Variants in DCLRE1A observed in about 807,000 individuals in gnomAD.
DCLRE1A encodes the protein DNA cross-link repair 1A.
A neutral mutation model predicts 91.9 loss-of-function variants in DCLRE1A; 64 were observed. The observed-to-expected ratio is 0.70, with a 90% CI of 0.57 to 0.86. The LOEUF (loss-of-function observed/expected upper bound fraction) is 0.86, where lower values mean the gene tolerates loss of function less well. Ranked by LOEUF, DCLRE1A falls within the 40% of genes least tolerant of loss-of-function variation. DCLRE1A has a pLI of 0.00. For missense variants in DCLRE1A, 1,145 were observed against 1,213.3 expected (o/e 0.94, Z 0.84); for synonymous variants, 416 against 431.1 (o/e 0.96, Z 0.43).
rs1458187408 is a variant in DCLRE1A at position 113,847,430 on chromosome 10, T to C, written c.2126-95A>G. ...ATGAACCCTCTATCCTCTTTACCTC[T>C]TATTTCCAATTTAACTATATTTAAA... On this transcript the variant is annotated intron_variant, in intron 2 of 8. Coordinates refer to ENST00000361384, the MANE Select transcript of DCLRE1A (RefSeq NM_014881.5). The C allele has an allele frequency of 8.3e-6, 11 of 1,326,450 alleles. No individual in the cohort carries two copies. The East Asian group carries it at 2.6e-4, about 32-fold the overall frequency. The allele number at this position is 1,326,450 out of a possible 1,614,324, so 82.2% of individuals were successfully genotyped here. A position where few individuals can be genotyped will look rare whatever the true frequency, so the allele number is the denominator to read the frequency against.
At chr10:113,837,801 T>C (rs949364286) in intron 7 of DCLRE1A, among the ~76,000 whole-genome samples, 4 of 152,156 alleles carry the variant, frequency 2.6e-5, no homozygotes, top group Non-Finnish European at 4.4e-5. Context: ...TTGAGTAGGA[T>C]AGAACTTCCC....
rs1564842236 is a variant in DCLRE1A, at chr10:113,841,489, T to C, written c.2737A>G (p.Ile913Val). ...EKYKTLQCLN[I>V]PEINSLITTD... ...GTGATGAGTGAATTAATTTCTGGTA[T>C]ATTGAGGCACTGTAGAGTTTTATAT... The change falls in exon 7 of 9, where the codon ATA (isoleucine) becomes GTA (valine). Residue 913 changes from isoleucine (I) to valine (V), a missense_variant. Ile to Val is a conservative substitution (Grantham distance 29). Coordinates refer to ENST00000361384, the MANE Select transcript of DCLRE1A (RefSeq NM_014881.5). 3 of 1,613,540 alleles carry C rather than the reference T, an allele frequency of 1.9e-6. No individual in the cohort carries two copies. The highest frequency in any genetic ancestry group is 2.5e-6 in the Non-Finnish European group (3 of 1,179,794).
chr10:113,843,200 A>T (rs1168650231), intron 5 of DCLRE1A, among the ~76,000 whole-genome samples: 1 of 152,130 alleles, frequency 6.6e-6, no homozygotes, highest in African/African-American at 2.4e-5. Flanking sequence ...AATGTAATAA[A>T]CTGCAAAAGC....
intron 5 of DCLRE1A, 47 bp from the exon 6 acceptor site, chr10:113,842,535 C>A: frequency 6.3e-7 from 1 of 1,581,324 alleles, no homozygotes; most frequent in Non-Finnish European, 8.6e-7. Context: ...ATAAAAAAGC[C>A]ATCACCTTAA....
chr10:113,844,380 C>A, intron 4 of DCLRE1A, 136 bp from the exon 5 acceptor site: 4 of 1,138,148 alleles, frequency 3.5e-6, no homozygotes, highest in Non-Finnish European at 3.6e-6. Flanking sequence ...GGAAATGCGG[C>A]ACTTCAACTC....
intron 4 of DCLRE1A, among the ~76,000 whole-genome samples, chr10:113,845,123 T>C (rs1418851134): frequency 6.6e-6 from 1 of 151,966 alleles, no homozygotes; most frequent in Non-Finnish European, 1.5e-5. Context: ...CTATGGAAAG[T>C]AGAAAGAAGC....
rs1462906607 is a variant in DCLRE1A, at chr10:113,850,548, GGAT to G, written c.554_556del (p.His185del). 4 of 1,614,110 alleles carry G rather than the reference GGAT, an allele frequency of 2.5e-6. No homozygotes were observed. In the South Asian group the frequency reaches 3.3e-5, roughly 13 times the overall value. ...TGACGCAGGTGATGGGCTGCTAAAA[GGAT>G]GATCACCAGCCCTGCTTTGAGCTAG... On this transcript the variant is annotated inframe_deletion, in exon 2 of 9. Coordinates refer to ENST00000361384, the MANE Select transcript of DCLRE1A (RefSeq NM_014881.5).
In DCLRE1A at chr10:113,850,587, G is replaced by A. The variant is rs1403686004; in HGVS notation, c.518C>T (p.Thr173Ile). ...CCTGCTTTGAGCTAGCAGGAAGTGA[G>A]TGTATCTCTTGTAATGAAAAGGAAT... ...STIPFHYKRY[T>I]HFLLAQSRAG... is the part of the protein sequence containing the mutation. Residue 173 changes from threonine (T) to isoleucine (I), a missense_variant, in exon 2 of 9, where the codon ACT becomes ATT. Thr to Ile is a moderately conservative substitution (Grantham distance 89). Coordinates refer to ENST00000361384, the MANE Select transcript of DCLRE1A (RefSeq NM_014881.5). The A allele has an allele frequency of 1.9e-6, 3 of 1,614,038 alleles. No homozygotes were observed. The highest frequency in any genetic ancestry group is 1.1e-5 in the South Asian group (1 of 91,064).
chr10:113,850,198 G>A lies in DCLRE1A; in HGVS notation c.907C>T (p.Leu303Phe). The A allele has an allele frequency of 6.2e-7, 1 of 1,614,164 alleles. No homozygotes were observed. The highest frequency in any genetic ancestry group is 8.5e-7 in the Non-Finnish European group (1 of 1,180,014). ...FSDCEISYSPLQSDEDTHDID... is the reference protein window; with the variant it reads ...FSDCEISYSPFQSDEDTHDID... ...TCATGAGTGTCTTCATCACTTTGAA[G>A]TGGAGAATAGGAGATTTCACAGTCA... The change falls in exon 2 of 9, where the codon CTT (leucine) becomes TTT (phenylalanine). Residue 303 changes from leucine to phenylalanine, a missense_variant. Physicochemically the swap from Leu to Phe is conservative, Grantham distance 22. Transcript: ENST00000361384.
chr10:113,852,861 G>A lies in DCLRE1A; in HGVS notation c.322C>T (p.Gln108Ter). The change falls in exon 1 of 9, where the codon CAA becomes TAA. Residue 108 changes from glutamine (Q) to a stop codon, truncating the protein, a stop_gained. Transcript: ENST00000361384. LOFTEE classifies it high-confidence loss of function. ...GGACGTATCTTTGGGGACACGTGTTGGCTTTTTTGAGTTCTACAGAGTTTT... is the reference window on the plus strand; with the variant it reads ...GGACGTATCTTTGGGGACACGTGTTAGCTTTTTTGAGTTCTACAGAGTTTT... ...PGKLCRTQKSQHVSPKIRPVY... is the reference protein window; with the variant it reads ...PGKLCRTQKS The A allele has an allele frequency of 3.7e-6, 6 of 1,614,110 alleles. No individual in the cohort carries two copies. Among genetic ancestry groups the A allele is most frequent in the Non-Finnish European group, 5.1e-6 (6 of 1,180,008 alleles).
At chr10:113,838,790 A>C (rs1384454974) in intron 7 of DCLRE1A, among the ~76,000 whole-genome samples, 2 of 152,236 alleles carry the variant, frequency 1.3e-5, no homozygotes, top group Non-Finnish European at 2.9e-5. Context: ...GGTTTAAATC[A>C]GGTGATAGTC....
intron 3 of DCLRE1A, among the ~76,000 whole-genome samples, chr10:113,846,490 T>C (rs1845539721): frequency 6.6e-6 from 1 of 152,086 alleles, no homozygotes; most frequent in Admixed American, 6.5e-5. Context: ...AGCACTCTCT[T>C]CTCCCTACTC....
At chr10:113,836,614 C>T (rs187858295) in intron 8 of DCLRE1A, among the ~76,000 whole-genome samples, 52 of 152,162 alleles carry the variant, frequency 3.4e-4, no homozygotes, top group African/African-American at 1.2e-3. Context: ...TGGTGACACC[C>T]CAAACATGTT....
At position 113,842,499 on chromosome 10, in the gene DCLRE1A, G is replaced by C; in HGVS notation, c.2520-11C>G. On this transcript the variant is annotated splice_polypyrimidine_tract_variant and intron_variant, in intron 5 of 8. Coordinates refer to ENST00000361384, the MANE Select transcript of DCLRE1A (RefSeq NM_014881.5). ...TCTGGGCTACAATATCTGTGGTATG[G>C]AAACATGGTACTTACTAAAAGAACA... 4 of 1,609,998 alleles carry C rather than the reference G, an allele frequency of 2.5e-6. No individual in the cohort carries two copies. The highest frequency in any genetic ancestry group is 3.4e-6 in the Non-Finnish European group (4 of 1,177,510).
chr10:113,845,812 C>T lies in DCLRE1A; in HGVS notation c.2260-9G>A. ...AACAAATTGCCAGTTATCTGCAAAA[C>T]AGGACGTGCTTATTGCTGATGCAGT... On this transcript the variant is annotated splice_polypyrimidine_tract_variant and intron_variant, in intron 3 of 8. Coordinates refer to ENST00000361384, the MANE Select transcript of DCLRE1A (RefSeq NM_014881.5). 6.2e-7 allele frequency: 1 copy of T among 1,603,548 alleles called. No homozygotes were observed. Among genetic ancestry groups the T allele is most frequent in the Non-Finnish European group, 8.5e-7 (1 of 1,170,420 alleles).
intron 3 of DCLRE1A, among the ~76,000 whole-genome samples, chr10:113,846,052 T>C (rs1357890702): frequency 6.6e-6 from 1 of 152,184 alleles, no homozygotes; most frequent in Non-Finnish European, 1.5e-5. Flanking sequence ...CTGAGTGATC[T>C]GGTTCCAGCC....
In DCLRE1A at chr10:113,834,925, A is replaced by C; in HGVS notation, c.*227T>G. The stretch of plus-strand genomic sequence containing the variant: ...TATAACTGCCCATGGAGGGCAGGGG[A>C]CAAGAAATTAAGGGTCCCAGGGAGA... On this transcript the variant is annotated 3_prime_UTR_variant, in exon 9 of 9. Transcript: ENST00000361384. 2.4e-6 allele frequency: 1 copy of C among 408,530 alleles called. No individual in the cohort carries two copies. Among genetic ancestry groups the C allele is most frequent in the Non-Finnish European group, 4.3e-6 (1 of 232,702 alleles). 25.3% of individuals were successfully genotyped at this position (408,530 alleles called of 1,614,324 possible).
intron 8 of DCLRE1A, among the ~76,000 whole-genome samples, 181 bp downstream of exon 8, chr10:113,836,881 A>T (rs1337398573): frequency 2.6e-5 from 4 of 152,216 alleles, no homozygotes; most frequent in Admixed American, 1.3e-4. Context: ...CTACTAGTCA[A>T]GCTCCTTTAT....
chr10:113,850,677 A>G, intron 1 of DCLRE1A, 33 bp from the exon 2 acceptor site: 1 of 1,500,876 alleles, frequency 6.7e-7, no homozygotes, highest in African/African-American at 1.4e-5. Flanking sequence ...ATATTACACG[A>G]TCAAAGCATA....
Sources: gnomAD v4.1 joint callset for allele counts (sites outside exome capture counted in the v4.1 genomes callset) on GRCh38, gnomAD v4.1.1 for gene constraint, MANE v1.5 for transcripts, NCBI Gene and HGNC (gene_info 2026-07-23, HGNC 2026-07-21) for gene names.